Variants in INTS9 observed in about 807,000 individuals in gnomAD.
INTS9 encodes the protein integrator complex subunit 9.
A neutral mutation model predicts 79.7 loss-of-function variants in INTS9; 55 were observed. The observed-to-expected ratio is 0.69, with a 90% CI of 0.56 to 0.86. INTS9 has a LOEUF of 0.86. Ranked by LOEUF, INTS9 falls within the 40% of genes least tolerant of loss-of-function variation. The pLI is 0.00. For synonymous variants in INTS9, 319 were observed against 325.2 expected (o/e 0.98, Z 0.20); for missense variants, 721 against 831.5 (o/e 0.87, Z 1.64).
chr8:28,787,301 T>C (rs186777708), intron 11 of INTS9, among the ~76,000 whole-genome samples: 1 of 152,236 alleles, frequency 6.6e-6, no homozygotes, highest in Admixed American at 6.5e-5. Context: ...TGTACATATA[T>C]GACTGACATA....
intron 5 of INTS9, among the ~76,000 whole-genome samples, chr8:28,837,357 C>T (rs1563286472): frequency 6.6e-6 from 1 of 152,196 alleles, no homozygotes; most frequent in Non-Finnish European, 1.5e-5. Context: ...CTAAACATTA[C>T]CTCCCCTAAT....
At chr8:28,855,913 GA>G (rs1808125475) in intron 2 of INTS9, among the ~76,000 whole-genome samples, 1 of 152,078 alleles carries the variant, frequency 6.6e-6, no homozygotes, top group Non-Finnish European at 1.5e-5. Flanking sequence ...AAATGGGTCA[GA>G]AAAAAATTAT....
intron 8 of INTS9, 149 bp downstream of exon 8, chr8:28,812,178 T>C: frequency 2.6e-6 from 2 of 772,732 alleles, no homozygotes; most frequent in Non-Finnish European, 4.1e-6. Flanking sequence ...GTCAAAATGT[T>C]GAGACTCAAA....
At chr8:28,874,332 C>T (rs919474158) in intron 1 of INTS9, among the ~76,000 whole-genome samples, 1 of 151,762 alleles carries the variant, frequency 6.6e-6, no homozygotes. Context: ...CTCTGTCACC[C>T]AAGCTGGAGT....
intron 14 of INTS9, among the ~76,000 whole-genome samples, chr8:28,772,982 A>G (rs1023138321): frequency 2.6e-5 from 4 of 152,212 alleles, no homozygotes; most frequent in African/African-American, 9.6e-5. Context: ...AAACTGTCAC[A>G]CTCATTCTAG....
At chr8:28,884,279 G>A (rs1201359756) in intron 1 of INTS9, among the ~76,000 whole-genome samples, 3 of 142,950 alleles carry the variant, frequency 2.1e-5, no homozygotes, top group Non-Finnish European at 4.5e-5. Context: ...AAATCCCTGG[G>A]CTCAAGCAAA....
intron 1 of INTS9, among the ~76,000 whole-genome samples, chr8:28,879,508 AAT>A (rs1454791868): frequency 6.6e-6 from 1 of 152,218 alleles, no homozygotes; most frequent in Non-Finnish European, 1.5e-5. Context: ...ATGAGGAACA[AAT>A]CAATGATGCC....
intron 8 of INTS9, among the ~76,000 whole-genome samples, chr8:28,803,184 C>G (rs1287899601): frequency 1.3e-5 from 2 of 152,100 alleles, no homozygotes; most frequent in Non-Finnish European, 2.9e-5. Context: ...TTTTGCTATA[C>G]TATGCTGGGG....
At chr8:28,805,785 C>T (rs1372659806) in intron 8 of INTS9, among the ~76,000 whole-genome samples, 3 of 152,000 alleles carry the variant, frequency 2.0e-5, no homozygotes, top group African/African-American at 7.3e-5. Flanking sequence ...TGTGCATTTT[C>T]ACATATACAG....
At position 28,768,072 on chromosome 8, in the gene INTS9, C is replaced by T. The variant is rs1802310995; in HGVS notation, c.*74G>A. 2.1e-6 allele frequency: 3 copies of T among 1,395,706 alleles called. No individual in the cohort carries two copies. The highest frequency in any genetic ancestry group is 3.0e-6 in the Non-Finnish European group (3 of 989,606). 86.5% of individuals were successfully genotyped at this position (1,395,706 alleles called of 1,614,324 possible). ...AGACACAGTTAATGGCCTCTCATGCCACTCCTCAGGTGGCTTGTGAGGGCA... is the reference window on the plus strand; with the variant it reads ...AGACACAGTTAATGGCCTCTCATGCTACTCCTCAGGTGGCTTGTGAGGGCA... On this transcript the variant is annotated 3_prime_UTR_variant, in exon 17 of 17. Transcript: ENST00000521022.
chr8:28,785,888 CCTTAT>C (rs1803559534), intron 11 of INTS9, among the ~76,000 whole-genome samples: 1 of 152,220 alleles, frequency 6.6e-6, no homozygotes, highest in African/African-American at 2.4e-5. Context: ...TTCACTCTTT[CCTTAT>C]ATCTAACTCT....
intron 1 of INTS9, among the ~76,000 whole-genome samples, chr8:28,860,726 G>A (rs908961723): frequency 9.9e-5 from 15 of 152,246 alleles, no homozygotes; most frequent in East Asian, 1.9e-4. Context: ...TGATCCGCCC[G>A]CCTCCTTGGC....
intron 2 of INTS9, among the ~76,000 whole-genome samples, chr8:28,856,000 T>C (rs371698128): frequency 9.2e-5 from 14 of 152,210 alleles, no homozygotes; most frequent in East Asian, 7.7e-4. Flanking sequence ...AATTAGGAAT[T>C]GCTTGTACTA....
chr8:28,886,053 G>A (rs755968684), intron 1 of INTS9, among the ~76,000 whole-genome samples: 2 of 152,098 alleles, frequency 1.3e-5, no homozygotes, highest in Non-Finnish European at 2.9e-5. Flanking sequence ...TCATGTGGGT[G>A]TGTGAAAAGC....
chr8:28,826,859 T>C (rs775902464), intron 6 of INTS9, among the ~76,000 whole-genome samples: 2 of 152,254 alleles, frequency 1.3e-5, no homozygotes, highest in Non-Finnish European at 2.9e-5. Context: ...AAACTTAGAA[T>C]ACCAGGCATT....
chr8:28,818,316 G>A (rs1805622643), intron 6 of INTS9, among the ~76,000 whole-genome samples: 1 of 149,618 alleles, frequency 6.7e-6, no homozygotes, highest in East Asian at 1.9e-4. Context: ...ATTATTTTGA[G>A]ATACGTCCCA....
chr8:28,865,945 AT>A (rs372809917), intron 1 of INTS9, among the ~76,000 whole-genome samples: 106 of 143,146 alleles, frequency 7.4e-4, no homozygotes, highest in Middle Eastern at 3.6e-3. Context: ...CTAAATTATC[AT>A]TTTTTTTTTT....
chr8:28,856,814 T>C (rs1808191919), intron 2 of INTS9, among the ~76,000 whole-genome samples: 1 of 152,198 alleles, frequency 6.6e-6, no homozygotes, highest in Non-Finnish European at 1.5e-5. Context: ...ACTGATCCTG[T>C]CACCCAGGTA....
chr8:28,846,794 A>C lies in INTS9; in HGVS notation c.214T>G (p.Ser72Ala). The change falls in exon 4 of 17, where the codon TCG becomes GCG. Residue 72 changes from serine (S) to alanine (A), a missense_variant. Around this residue, in one of 3 missense-constraint regions of INTS9, gnomAD observed 291 missense variants for 307.0 expected, o/e 0.95. Coordinates refer to ENST00000521022, the MANE Select transcript of INTS9 (RefSeq NM_018250.4). ...ACAGAATCCACAAATACATGACCCGAGCACTCCTTTAGCTCCTAAAAGAAA... is the reference window on the plus strand; with the variant it reads ...ACAGAATCCACAAATACATGACCCGCGCACTCCTTTAGCTCCTAAAAGAAA... ...AFLDKELKEC[S>A]GHVFVDSVPE... 1 of 1,613,500 alleles carries C rather than the reference A, an allele frequency of 6.2e-7. No individual in the cohort carries two copies.
Sources: allele counts gnomAD v4.1 joint callset (sites outside exome capture counted in the v4.1 genomes callset), GRCh38; gene constraint gnomAD v4.1.1; regional missense constraint gnomAD v4.1.1; transcripts MANE v1.5; gene names NCBI Gene and HGNC (gene_info 2026-07-23, HGNC 2026-07-21).